Variants in RAD54L2 observed in about 807,000 individuals in gnomAD.
RAD54L2 encodes the protein helicase ARIP4.
A neutral mutation model predicts 138.4 loss-of-function variants in RAD54L2; 27 were observed. That is an observed-to-expected ratio of 0.20 (90% confidence interval 0.14 to 0.27). The LOEUF (loss-of-function observed/expected upper bound fraction) is 0.27, where lower values mean the gene tolerates loss of function less well. Ranked by LOEUF, RAD54L2 falls within the 10% of genes least tolerant of loss-of-function variation. RAD54L2 has a pLI of 1.00. For missense variants in RAD54L2, 1,396 were observed against 1,890.2 expected (o/e 0.74, Z 4.85); for synonymous variants, 644 against 723.2 (o/e 0.89, Z 1.76).
At chr3:51,655,307 G>C (rs1209634433) in intron 19 of RAD54L2, among the ~76,000 whole-genome samples, 2 of 152,024 alleles carry the variant, frequency 1.3e-5, no homozygotes, top group Non-Finnish European at 2.9e-5. Context: ...TAGAAGCCTG[G>C]CTTTTGTACA....
chr3:51,545,067 C>T (rs1407694908), intron 2 of RAD54L2, among the ~76,000 whole-genome samples: 1 of 152,142 alleles, frequency 6.6e-6, no homozygotes, highest in Non-Finnish European at 1.5e-5. Flanking sequence ...TATCTGTATC[C>T]GTTTTCTGCT....
intron 3 of RAD54L2, among the ~76,000 whole-genome samples, chr3:51,607,679 C>T (rs560822966): frequency 6.6e-6 from 1 of 151,022 alleles, no homozygotes; most frequent in African/African-American, 2.4e-5. Flanking sequence ...CCAGACGGGG[C>T]GGCCGGGCAG....
chr3:51,561,608 C>G (rs1456437987), intron 2 of RAD54L2, among the ~76,000 whole-genome samples: 1 of 151,998 alleles, frequency 6.6e-6, no homozygotes, highest in Non-Finnish European at 1.5e-5. Flanking sequence ...TTTGCCCACC[C>G]TGGAGTGCAG....
At chr3:51,583,429 ATT>A (rs1173291351) in intron 2 of RAD54L2, among the ~76,000 whole-genome samples, 3 of 143,466 alleles carry the variant, frequency 2.1e-5, no homozygotes, top group Non-Finnish European at 3.1e-5. Flanking sequence ...CTTTTTTTTT[ATT>A]TTTTTTTTTT....
At chr3:51,582,224 A>G (rs1407826421) in intron 2 of RAD54L2, among the ~76,000 whole-genome samples, 1 of 152,156 alleles carries the variant, frequency 6.6e-6, no homozygotes, top group Non-Finnish European at 1.5e-5. Flanking sequence ...CACCAGCTTA[A>G]GAAGTTATAG....
chr3:51,586,939 AAC>A (rs1184255539), intron 2 of RAD54L2, among the ~76,000 whole-genome samples: 7 of 152,154 alleles, frequency 4.6e-5, no homozygotes, highest in Non-Finnish European at 1.0e-4. Flanking sequence ...TTGACTTCCA[AAC>A]ACAGAGTAGT....
chr3:51,631,913 C>G (rs974644092), intron 7 of RAD54L2, among the ~76,000 whole-genome samples: 1 of 152,164 alleles, frequency 6.6e-6, no homozygotes, highest in Admixed American at 6.5e-5. Flanking sequence ...GGATTACAGG[C>G]GTGAGCCACC....
At chr3:51,628,920 T>C (rs1409389304) in intron 4 of RAD54L2, among the ~76,000 whole-genome samples, 2 of 152,014 alleles carry the variant, frequency 1.3e-5, no homozygotes, top group East Asian at 3.9e-4. Flanking sequence ...TTTGCCGTGT[T>C]AGCCAGACTG....
At chr3:51,649,752 AC>A (rs1427778712) in intron 19 of RAD54L2, among the ~76,000 whole-genome samples, 1 of 152,172 alleles carries the variant, frequency 6.6e-6, no homozygotes, top group Non-Finnish European at 1.5e-5. Flanking sequence ...ATTTGTCACC[AC>A]CAGGCCTACC....
chr3:51,655,846 C>T (rs1171721914), intron 19 of RAD54L2, 125 bp from the exon 20 acceptor site: 98 of 809,592 alleles, frequency 1.2e-4, no homozygotes. Context: ...GCAGATTCTT[C>T]TGATCCTTCT....
chr3:51,592,757 TAG>T (rs1458865114), intron 3 of RAD54L2, among the ~76,000 whole-genome samples: 4 of 152,100 alleles, frequency 2.6e-5, no homozygotes, highest in Non-Finnish European at 5.9e-5. Context: ...GTATTTTTAG[TAG>T]AGACAGGGTT....
chr3:51,604,087 T>C (rs1176091773), intron 3 of RAD54L2, among the ~76,000 whole-genome samples: 1 of 152,162 alleles, frequency 6.6e-6, no homozygotes, highest in Non-Finnish European at 1.5e-5. Flanking sequence ...AGGATATGTT[T>C]TGAAGATAGA....
intron 2 of RAD54L2, among the ~76,000 whole-genome samples, chr3:51,569,032 T>C (rs1185888493): frequency 6.6e-6 from 1 of 152,090 alleles, no homozygotes; most frequent in Admixed American, 6.6e-5. Context: ...CTTATGTAGG[T>C]AGAGACAGAG....
intron 5 of RAD54L2, among the ~76,000 whole-genome samples, chr3:51,629,856 C>G (rs1700796098): frequency 6.6e-6 from 1 of 151,926 alleles, no homozygotes; most frequent in African/African-American, 2.4e-5. Flanking sequence ...GAGTGAGACT[C>G]TATCTCAAAA....
chr3:51,654,074 C>G (rs918347672), intron 19 of RAD54L2, among the ~76,000 whole-genome samples: 4 of 151,972 alleles, frequency 2.6e-5, no homozygotes, highest in Non-Finnish European at 4.4e-5. Flanking sequence ...GGGTGGGGTA[C>G]AGAGTCTCTG....
chr3:51,547,994 C>T (rs181639154), intron 2 of RAD54L2, among the ~76,000 whole-genome samples: 32 of 151,738 alleles, frequency 2.1e-4, no homozygotes, highest in Admixed American at 2.1e-3. Context: ...TGCGTTCAAG[C>T]GATTCTCCTG....
At chr3:51,552,221 A>G (rs981127560) in intron 2 of RAD54L2, among the ~76,000 whole-genome samples, 2 of 151,882 alleles carry the variant, frequency 1.3e-5, no homozygotes, top group Non-Finnish European at 2.9e-5. Context: ...TTATTTATTT[A>G]TTTGTTTATT....
intron 2 of RAD54L2, among the ~76,000 whole-genome samples, chr3:51,570,139 A>ATTTT (rs374562749): frequency 6.0e-4 from 61 of 100,922 alleles, no homozygotes; most frequent in Non-Finnish European, 7.6e-4. Context: ...AGCCTTTTTA[A>ATTTT]TTTTTTTTTT....
At chr3:51,597,700 T>C (rs371718917) in intron 3 of RAD54L2, among the ~76,000 whole-genome samples, 6 of 152,134 alleles carry the variant, frequency 3.9e-5, no homozygotes, top group African/African-American at 1.4e-4. Flanking sequence ...TGGTGGCCCA[T>C]GTCTGTAGTC....
Sources: allele counts gnomAD v4.1 joint callset (sites outside exome capture counted in the v4.1 genomes callset), GRCh38; gene constraint gnomAD v4.1.1; transcripts MANE v1.5; gene names NCBI Gene and HGNC (gene_info 2026-07-23, HGNC 2026-07-21).